Variants in SH3GL2 observed in about 807,000 individuals in gnomAD.
The protein encoded by SH3GL2 is endophilin-A1.
A neutral mutation model predicts 46.0 loss-of-function variants in SH3GL2; 24 were observed. The observed-to-expected ratio is 0.52, with a 90% confidence interval of 0.38 to 0.73. The LOEUF is 0.73. Ranked by LOEUF, SH3GL2 falls within the 30% of genes least tolerant of loss-of-function variation. The pLI is 0.00. For missense variants in SH3GL2, 413 were observed against 424.2 expected, an observed-to-expected ratio of 0.97 and a Z score of 0.23; for synonymous variants, 196 against 147.1, an observed-to-expected ratio of 1.33 and a Z score of -2.40.
chr9:17,597,859 C>A (rs529386654), intron 1 of SH3GL2, among the ~76,000 whole-genome samples: 1 of 152,186 alleles, frequency 6.6e-6, no homozygotes, highest in Non-Finnish European at 1.5e-5. Flanking sequence ...TTTTTCCCCT[C>A]TTTATGCTCT....
intron 1 of SH3GL2, among the ~76,000 whole-genome samples, chr9:17,746,761 C>G (rs1822700587): frequency 6.6e-6 from 1 of 152,138 alleles, no homozygotes; most frequent in Non-Finnish European, 1.5e-5. Flanking sequence ...TTAGAACTTT[C>G]AAGAGGAAAA....
At chr9:17,744,370 T>A (rs1822619723) in intron 1 of SH3GL2, among the ~76,000 whole-genome samples, 1 of 128,486 alleles carries the variant, frequency 7.8e-6, no homozygotes, top group African/African-American at 3.3e-5. Flanking sequence ...GCACTTGAAA[T>A]TTTTTTTTTT....
chr9:17,579,795 C>T (rs968846890), intron 1 of SH3GL2, among the ~76,000 whole-genome samples: 1 of 152,168 alleles, frequency 6.6e-6, no homozygotes, highest in East Asian at 1.9e-4. Flanking sequence ...AACCCTCCTT[C>T]CCCGCCGCCC....
At chr9:17,793,641 ACT>A (rs1824196276) in intron 8 of SH3GL2, 144 bp downstream of exon 8, 1 of 725,386 alleles carries the variant, frequency 1.4e-6, no homozygotes, top group Non-Finnish European at 2.2e-6. Flanking sequence ...TCAGGTAGAA[ACT>A]CTGTTAAAGG....
Position 17,731,937 on chromosome 9 carries a change from T to C in SH3GL2, c.46-15129T>C, listed in dbSNP as rs78173427. ...ACAAAAGACATTCAGTGACTATTTT[T>C]AAATGAACAAGTGGTAGAAATTAGA... On this transcript the variant is annotated intron_variant, in intron 1 of 8. Transcript: ENST00000380607. 3.6e-3 allele frequency among the ~76,000 whole-genome samples: 554 copies of C among 152,270 alleles called. 5 individuals carry two copies. Among genetic ancestry groups the C allele is most frequent in the African/African-American group, 0.011 (449 of 41,576 alleles).
intron 1 of SH3GL2, among the ~76,000 whole-genome samples, chr9:17,623,160 C>G (rs984664990): frequency 1.4e-5 from 2 of 147,282 alleles, no homozygotes; most frequent in Admixed American, 7.1e-5. Flanking sequence ...TGGTTCTGTT[C>G]TTTCCCCTTG....
chr9:17,710,656 G>A (rs749911736), intron 1 of SH3GL2, among the ~76,000 whole-genome samples: 1 of 151,922 alleles, frequency 6.6e-6, no homozygotes, highest in Non-Finnish European at 1.5e-5. Context: ...ACCCAAATGT[G>A]GATAAACAAA....
At chr9:17,644,899 ATCTG>A (rs770777984) in intron 1 of SH3GL2, among the ~76,000 whole-genome samples, 75 of 150,886 alleles carry the variant, frequency 5.0e-4, no homozygotes, top group South Asian at 3.4e-3. Context: ...TGTCTCGTTG[ATCTG>A]TCTAATATTG....
rs1383696533 is a variant in SH3GL2 at position 17,791,250 on chromosome 9, T to C, written c.644T>C (p.Leu215Pro). ...LEMDIEQVSQ[L>P]SALVQAQLEY... Reference sequence around the variant, plus strand: ...CTGCAGATTGAACAAGTGAGCCAGCTCTCTGCACTTGTGCAAGCTCAGCTG... The same window carrying C: ...CTGCAGATTGAACAAGTGAGCCAGCCCTCTGCACTTGTGCAAGCTCAGCTG... The change falls in exon 7 of 9, where the codon CTC becomes CCC. Residue 215 changes from leucine to proline, a missense_variant. Around this residue, in one of 3 missense-constraint regions of SH3GL2, gnomAD observed 248 missense variants for 215.0 expected, o/e 1.15. Transcript: ENST00000380607. The C allele has an allele frequency of 6.2e-7, 1 of 1,613,370 alleles. No homozygotes were observed. Among genetic ancestry groups the C allele is most frequent in the East Asian group, 2.2e-5 (1 of 44,856 alleles).
intron 2 of SH3GL2, among the ~76,000 whole-genome samples, chr9:17,757,224 A>G (rs1337926332): frequency 6.6e-6 from 1 of 152,242 alleles, no homozygotes; most frequent in Non-Finnish European, 1.5e-5. Context: ...AGACAATACC[A>G]TTCAGGACAT....
At chr9:17,737,798 C>T (rs1159334765) in intron 1 of SH3GL2, among the ~76,000 whole-genome samples, 3 of 152,092 alleles carry the variant, frequency 2.0e-5, no homozygotes, top group South Asian at 2.1e-4. Flanking sequence ...TCTCCCTGAG[C>T]AGTCGCCTTT....
At chr9:17,734,412 C>T (rs767054773) in intron 1 of SH3GL2, among the ~76,000 whole-genome samples, 4 of 152,106 alleles carry the variant, frequency 2.6e-5, no homozygotes, top group Middle Eastern at 3.2e-3. Context: ...TGACAAAGCA[C>T]TTACTCAATT....
chr9:17,653,684 C>T (rs562988949), intron 1 of SH3GL2, among the ~76,000 whole-genome samples: 118 of 152,260 alleles, frequency 7.7e-4, no homozygotes, highest in Non-Finnish European at 1.3e-3. Context: ...GAGAGCTCCT[C>T]GCCTTGTGAA....
intron 1 of SH3GL2, among the ~76,000 whole-genome samples, chr9:17,713,069 C>G (rs1821670823): frequency 6.6e-6 from 1 of 150,612 alleles, no homozygotes; most frequent in Non-Finnish European, 1.5e-5. Context: ...TCTTAGTGTG[C>G]TGGGTTTTTT....
chr9:17,711,159 A>G (rs1028581679), intron 1 of SH3GL2, among the ~76,000 whole-genome samples: 1 of 151,878 alleles, frequency 6.6e-6, no homozygotes, highest in Non-Finnish European at 1.5e-5. Flanking sequence ...TGCCTGACAC[A>G]GTAACTCCTC....
chr9:17,696,884 A>G (rs1417215929), intron 1 of SH3GL2, among the ~76,000 whole-genome samples: 1 of 152,198 alleles, frequency 6.6e-6, no homozygotes, highest in Non-Finnish European at 1.5e-5. Flanking sequence ...TAGCATATCC[A>G]TAACCCTCTT....
intron 1 of SH3GL2, among the ~76,000 whole-genome samples, chr9:17,580,430 G>T (rs1222030756): frequency 6.6e-6 from 1 of 152,164 alleles, no homozygotes; most frequent in Non-Finnish European, 1.5e-5. Flanking sequence ...TTAACTTAGG[G>T]TGACAGATGC....
At chr9:17,607,204 G>A (rs971491464) in intron 1 of SH3GL2, among the ~76,000 whole-genome samples, 1 of 152,142 alleles carries the variant, frequency 6.6e-6, no homozygotes, top group African/African-American at 2.4e-5. Flanking sequence ...AGACCTAGAT[G>A]GTGGAGCCTG....
intron 1 of SH3GL2, among the ~76,000 whole-genome samples, chr9:17,611,424 T>G (rs942840662): frequency 6.6e-6 from 1 of 152,150 alleles, no homozygotes; most frequent in African/African-American, 2.4e-5. Flanking sequence ...GGCATTACAA[T>G]TTAATAGAAA....
Sources: allele counts gnomAD v4.1 joint callset (sites outside exome capture counted in the v4.1 genomes callset), GRCh38; gene constraint gnomAD v4.1.1; regional missense constraint gnomAD v4.1.1; transcripts MANE v1.5; gene names NCBI Gene and HGNC (gene_info 2026-07-23, HGNC 2026-07-21).